The following CTNNA3 variants were observed in gnomAD, a reference collection of about 807,000 sequenced individuals.
The protein encoded by CTNNA3 is catenin alpha 3.
A neutral mutation model predicts 95.7 loss-of-function variants in CTNNA3; 76 were observed. The observed-to-expected ratio is 0.79, with a 90% CI of 0.66 to 0.96. CTNNA3 has a LOEUF of 0.96. Ranked by LOEUF, CTNNA3 falls within the 40% of genes least tolerant of loss-of-function variation. The pLI, the probability that CTNNA3 is intolerant of heterozygous loss-of-function variation, is 0.00. For missense variants in CTNNA3, 1,191 were observed against 1,089.8 expected (o/e 1.09, Z -1.31); for synonymous variants, 431 against 374.4 (o/e 1.15, Z -1.74).
At chr10:67,658,205 T>C (rs1840081188) in intron 1 of CTNNA3, among the ~76,000 whole-genome samples, 1 of 152,236 alleles carries the variant, frequency 6.6e-6, no homozygotes, top group African/African-American at 2.4e-5. Context: ...ATTACTGATC[T>C]TTCCTGAACA....
intron 7 of CTNNA3, among the ~76,000 whole-genome samples, chr10:66,860,958 C>A (rs184003321): frequency 1.1e-3 from 172 of 152,304 alleles, no homozygotes; most frequent in African/African-American, 3.8e-3. Flanking sequence ...AATTATCTTT[C>A]TTGGTTCACT....
chr10:67,079,354 A>C (rs1320298131), intron 7 of CTNNA3, among the ~76,000 whole-genome samples: 4 of 152,248 alleles, frequency 2.6e-5, no homozygotes, highest in Non-Finnish European at 5.9e-5. Context: ...CAGTTGCAGA[A>C]GGAACACAGC....
intron 5 of CTNNA3, among the ~76,000 whole-genome samples, chr10:67,435,014 G>T (rs1025028078): frequency 6.6e-6 from 1 of 151,958 alleles, no homozygotes; most frequent in African/African-American, 2.4e-5. Context: ...CTATTGTTCC[G>T]ATATATTGCT....
chr10:67,520,238 T>C (rs1839942191), intron 5 of CTNNA3, among the ~76,000 whole-genome samples: 1 of 152,194 alleles, frequency 6.6e-6, no homozygotes, highest in Non-Finnish European at 1.5e-5. Context: ...ATACACTCCA[T>C]GTGCTCATCT....
intron 12 of CTNNA3, among the ~76,000 whole-genome samples, chr10:66,344,766 A>G (rs1179528403): frequency 6.6e-6 from 1 of 152,200 alleles, no homozygotes; most frequent in East Asian, 1.9e-4. Context: ...GACCAATGGT[A>G]CTGGCAATAG....
At chr10:66,771,077 A>G (rs1213442737) in intron 8 of CTNNA3, among the ~76,000 whole-genome samples, 1 of 152,046 alleles carries the variant, frequency 6.6e-6, no homozygotes, top group Non-Finnish European at 1.5e-5. Flanking sequence ...TTTTTTTCTG[A>G]GTGGTGAACT....
rs2082438617 is a variant in CTNNA3, at chr10:66,118,589, A to G, written c.1885-15340T>C. ...TATATTCTTATCTTTCCACCTATTCAAAGTAATTTAGTATGTCAACAATGT... is the reference window on the plus strand; with the variant it reads ...TATATTCTTATCTTTCCACCTATTCGAAGTAATTTAGTATGTCAACAATGT... On this transcript the variant is annotated intron_variant, in intron 13 of 17. Coordinates refer to ENST00000433211, the MANE Select transcript of CTNNA3 (RefSeq NM_013266.4). 2.6e-5 allele frequency among the ~76,000 whole-genome samples: 4 copies of G among 152,100 alleles called. No homozygotes were observed. The South Asian group carries it at 8.3e-4, about 32-fold the overall frequency.
chr10:67,630,628 G>C (rs1239604968), intron 2 of CTNNA3, among the ~76,000 whole-genome samples: 1 of 152,046 alleles, frequency 6.6e-6, no homozygotes, highest in Non-Finnish European at 1.5e-5. Context: ...ATCCCCAAGG[G>C]GACAGGTGGG....
chr10:67,751,230 T>A, intron 1 of CTNNA3: 2 of 1,266,836 alleles, frequency 1.6e-6, no homozygotes, highest in Non-Finnish European at 2.3e-6. Context: ...TGCAGAATAT[T>A]GAGGTTGAAT....
intron 3 of CTNNA3, among the ~76,000 whole-genome samples, chr10:67,559,256 A>T (rs1841387307): frequency 6.6e-6 from 1 of 152,188 alleles, no homozygotes; most frequent in African/African-American, 2.4e-5. Context: ...GGGCAGACTG[A>T]CACCTCACAC....
rs1321640446 is a variant in CTNNA3 at position 66,146,699 on chromosome 10, AGCCTGCACCACCAT to A, written c.1885-43464_1885-43451del. ...GGCCTCCTGAGTATCTGGAACTACA[AGCCTGCACCACCAT>A]GCCCAGCTAATTTTTGTATTTTTTG... On this transcript the variant is annotated intron_variant, in intron 13 of 17. Coordinates refer to ENST00000433211, the MANE Select transcript of CTNNA3 (RefSeq NM_013266.4). 2.0e-5 allele frequency among the ~76,000 whole-genome samples: 3 copies of A among 152,056 alleles called. No individual in the cohort carries two copies. In the South Asian group the frequency reaches 6.2e-4, roughly 32 times the overall value.
chr10:66,932,425 C>T (rs968294470), intron 7 of CTNNA3, among the ~76,000 whole-genome samples: 3 of 152,086 alleles, frequency 2.0e-5, no homozygotes, highest in African/African-American at 7.2e-5. Context: ...AAGTAAGAAT[C>T]GAGCCATGAG....
At chr10:66,202,349 T>C (rs1404731487) in intron 13 of CTNNA3, among the ~76,000 whole-genome samples, 1 of 152,174 alleles carries the variant, frequency 6.6e-6, no homozygotes, top group Non-Finnish European at 1.5e-5. Flanking sequence ...GCTAAATAAA[T>C]GTGGCCAACT....
intron 13 of CTNNA3, among the ~76,000 whole-genome samples, chr10:66,123,435 C>CT (rs1257092344): frequency 1.3e-5 from 2 of 152,122 alleles, no homozygotes. Context: ...CTCTCGACTG[C>CT]TTTTATGGGC....
At chr10:67,731,571 G>C (rs544056114) in intron 1 of CTNNA3, among the ~76,000 whole-genome samples, 1 of 152,140 alleles carries the variant, frequency 6.6e-6, no homozygotes, top group East Asian at 2.0e-4. Flanking sequence ...GGGAGGCCGA[G>C]GCAGGCGGAT....
At chr10:67,034,159 T>C (rs1354862210) in intron 7 of CTNNA3, among the ~76,000 whole-genome samples, 2 of 152,228 alleles carry the variant, frequency 1.3e-5, no homozygotes. Flanking sequence ...CTAGTGCCAA[T>C]GGACTAGTTT....
At chr10:66,365,927 C>G (rs969285192) in intron 12 of CTNNA3, among the ~76,000 whole-genome samples, 1 of 152,098 alleles carries the variant, frequency 6.6e-6, no homozygotes, top group Admixed American at 6.6e-5. Flanking sequence ...TCAGTTGAGA[C>G]TTAGATGACT....
At chr10:66,755,306 G>GAT (rs1443481216) in intron 9 of CTNNA3, among the ~76,000 whole-genome samples, 3 of 152,110 alleles carry the variant, frequency 2.0e-5, no homozygotes, top group Admixed American at 6.5e-5. Context: ...TAGTTTGATA[G>GAT]ATTAATAGTA....
At chr10:65,966,254 T>A (rs2077963406) in intron 17 of CTNNA3, among the ~76,000 whole-genome samples, 1 of 152,212 alleles carries the variant, frequency 6.6e-6, no homozygotes, top group African/African-American at 2.4e-5. Flanking sequence ...TTTATTAATT[T>A]GCAATTCCAC....
Sources: allele counts gnomAD v4.1 joint callset (sites outside exome capture counted in the v4.1 genomes callset), GRCh38; gene constraint gnomAD v4.1.1; transcripts MANE v1.5; gene names NCBI Gene and HGNC (gene_info 2026-07-23, HGNC 2026-07-21).